LRP6: variants seen among roughly 807,000 people sequenced by gnomAD.
The protein encoded by LRP6 is LDL receptor related protein 6, also known as low-density lipoprotein receptor-related protein 6.
A neutral mutation model predicts 184.1 loss-of-function variants in LRP6; 43 were observed. The ratio of observed to expected loss-of-function variants is 0.23; its 90% CI spans 0.18 to 0.30. The LOEUF is 0.30. Among genes scored for constraint, LRP6 ranks in the 10% least tolerant of loss-of-function variants. The pLI, the probability that LRP6 is intolerant of heterozygous loss-of-function variation, is 1.00. For synonymous variants in LRP6, 719 were observed against 684.9 expected (o/e 1.05, Z -0.78); for missense variants, 1,571 against 2,005.3 (o/e 0.78, Z 4.14).
At chr12:12,165,701 T>C (rs912933525) in intron 7 of LRP6, among the ~76,000 whole-genome samples, 4 of 152,222 alleles carry the variant, frequency 2.6e-5, no homozygotes, top group African/African-American at 7.2e-5. Flanking sequence ...CTTGAGAGCT[T>C]TGCCTATGGA....
chr12:12,134,851 T>C (rs549304788), intron 17 of LRP6, among the ~76,000 whole-genome samples: 1 of 152,196 alleles, frequency 6.6e-6, no homozygotes, highest in South Asian at 2.1e-4. Flanking sequence ...AAGTAGGAAA[T>C]CCTGTCATTT....
intron 1 of LRP6, among the ~76,000 whole-genome samples, chr12:12,253,218 C>T (rs560169518): frequency 2.6e-5 from 4 of 152,264 alleles, no homozygotes; most frequent in East Asian, 3.9e-4. Flanking sequence ...GGGCCAAGAT[C>T]GCGCCACTGA....
rs34964803 is a variant in LRP6, at chr12:12,122,033, G to C, written c.4548-613C>G. On this transcript the variant is annotated intron_variant, in intron 22 of 22. Coordinates refer to ENST00000261349, the MANE Select transcript of LRP6 (RefSeq NM_002336.3). The stretch of plus-strand genomic sequence containing the variant: ...AAACGGTTTTCATTCCCTGTGTATA[G>C]GTAAGTACCTCTCATAAGAGCAGCT... 5.6e-4 allele frequency among the ~76,000 whole-genome samples: 85 copies of C among 152,262 alleles called. No individual in the cohort carries two copies. In the East Asian group the frequency reaches 0.01, roughly 18 times the overall value.
rs1015461470 is a variant in LRP6, at chr12:12,130,682, T to C, written c.4081+101A>G. On this transcript the variant is annotated intron_variant, in intron 19 of 22. Transcript: ENST00000261349. The stretch of plus-strand genomic sequence containing the variant: ...ATAATTAGCTTAATATTAATACTTA[T>C]TACTTAGAAAGGAAATCTCGATAAG... 6 of 740,298 alleles carry C rather than the reference T, an allele frequency of 8.1e-6. No individual in the cohort carries two copies. The African/African-American group carries it at 8.7e-5, about 11-fold the overall frequency. 45.9% of individuals were successfully genotyped at this position (740,298 alleles called of 1,614,324 possible).
At chr12:12,125,211 A>T in intron 21 of LRP6, 85 bp downstream of exon 21, 1 of 1,510,206 alleles carries the variant, frequency 6.6e-7, no homozygotes, top group Non-Finnish European at 9.2e-7. Context: ...CTTTTACATT[A>T]CTATCACTGA....
intron 1 of LRP6, among the ~76,000 whole-genome samples, chr12:12,261,352 G>A (rs1477063545): frequency 2.0e-5 from 3 of 149,896 alleles, no homozygotes; most frequent in Non-Finnish European, 2.9e-5. Context: ...GTAGTGAGCT[G>A]AGATCACGCC....
In LRP6 at chr12:12,238,187, G is replaced by T. The variant is rs74061144; in HGVS notation, c.449+6075C>A. Among the ~76,000 whole-genome samples the T allele has an allele frequency of 6.1e-5, 9 of 148,194 alleles. No individual in the cohort carries two copies. The East Asian group carries it at 1.6e-3, about 26-fold the overall frequency. On this transcript the variant is annotated intron_variant, in intron 2 of 22. Transcript: ENST00000261349. ...TTAAACTGCAAAGTTAGGCACAGCT[G>T]AAGAAAGAATTTTGTATCTAGATGG...
intron 7 of LRP6, among the ~76,000 whole-genome samples, chr12:12,169,483 C>T (rs563819948): frequency 3.9e-5 from 6 of 152,170 alleles, no homozygotes; most frequent in African/African-American, 1.2e-4. Flanking sequence ...GCTCTAGATA[C>T]AAGCAAGGGT....
chr12:12,135,596 T>G (rs1026030673), intron 16 of LRP6, among the ~76,000 whole-genome samples: 2 of 151,368 alleles, frequency 1.3e-5, no homozygotes, highest in Non-Finnish European at 2.9e-5. Context: ...CAGGTTCAAG[T>G]GCTTCTCCTG....
chr12:12,239,349 T>C (rs767285018), intron 2 of LRP6, among the ~76,000 whole-genome samples: 10 of 152,192 alleles, frequency 6.6e-5, no homozygotes, highest in Non-Finnish European at 1.2e-4. Context: ...TAATGCACTT[T>C]TAAACTGTTC....
At chr12:12,181,805 T>G (rs973869589) in intron 5 of LRP6, among the ~76,000 whole-genome samples, 6 of 152,210 alleles carry the variant, frequency 3.9e-5, no homozygotes, top group African/African-American at 1.4e-4. Context: ...CAAGAAGCAT[T>G]TTTTAAAAAA....
chr12:12,164,548 C>T lies in LRP6; in HGVS notation c.1777G>A (p.Ala593Thr). The change falls in exon 9 of 23, where the codon GCT becomes ACT. Residue 593 changes from alanine (A) to threonine (T), a missense_variant. Coordinates refer to ENST00000261349, the MANE Select transcript of LRP6 (RefSeq NM_002336.3). ...VHRVIGSNPC[A>T]EENGGCSHLC... ...TGGCTACATCCCCCGTTTTCCTCAG[C>T]ACAGGGGTTGGAACCTAAAAGATTA... is the stretch of plus-strand genomic sequence containing the variant. 6.2e-7 allele frequency: 1 copy of T among 1,614,084 alleles called. No individual in the cohort carries two copies. The highest frequency in any genetic ancestry group is 8.5e-7 in the Non-Finnish European group (1 of 1,180,010).
At chr12:12,224,726 G>C (rs1864573427) in intron 2 of LRP6, among the ~76,000 whole-genome samples, 1 of 152,034 alleles carries the variant, frequency 6.6e-6, no homozygotes, top group Non-Finnish European at 1.5e-5. Flanking sequence ...TCACTATAAG[G>C]ATTTTTAAAC....
intron 2 of LRP6, among the ~76,000 whole-genome samples, chr12:12,212,495 C>T (rs1271732065): frequency 6.6e-6 from 1 of 152,156 alleles, no homozygotes; most frequent in Non-Finnish European, 1.5e-5. Context: ...CTAACAAGCA[C>T]CACCCTAAAA....
chr12:12,196,483 ATTTC>A (rs1863765676), intron 3 of LRP6, among the ~76,000 whole-genome samples: 1 of 151,646 alleles, frequency 6.6e-6, no homozygotes, highest in Non-Finnish European at 1.5e-5. Flanking sequence ...TGCCTTCTTA[ATTTC>A]TTTTTCAGCT....
Position 12,117,909 on chromosome 12 carries a change from T to G in LRP6, c.*3217A>C, listed in dbSNP as rs1027204439. On this transcript the variant is annotated 3_prime_UTR_variant, in exon 23 of 23. Coordinates refer to ENST00000261349, the MANE Select transcript of LRP6 (RefSeq NM_002336.3). Reference sequence around the variant, plus strand: ...TACAACCCTCAAAATCATCTTAAAATTGTACTGCTCAAAGCCCCTTCCCCC... The same window carrying G: ...TACAACCCTCAAAATCATCTTAAAAGTGTACTGCTCAAAGCCCCTTCCCCC... 1 of 152,176 alleles carries G rather than the reference T, an allele frequency of 6.6e-6. No homozygotes were observed. Among genetic ancestry groups the G allele is most frequent in the South Asian group, 2.1e-4 (1 of 4,834 alleles). 9.4% of individuals were successfully genotyped at this position (152,176 alleles called of 1,614,324 possible). A position where few individuals can be genotyped will look rare whatever the true frequency, so the allele number is the denominator to read the frequency against.
At position 12,139,107 on chromosome 12, in the gene LRP6, C is replaced by T. The variant is rs1002630146; in HGVS notation, c.3398-573G>A. On this transcript the variant is annotated intron_variant, in intron 15 of 22. Coordinates refer to ENST00000261349, the MANE Select transcript of LRP6 (RefSeq NM_002336.3). ...CTAAAATCTGTGTTCATACCCCCCA[C>T]CCTGCTTTATTCAGTTTCTCCCTCA... 9 of 833,484 alleles carry T rather than the reference C, an allele frequency of 1.1e-5. No homozygotes were observed. In the East Asian group the frequency reaches 5.5e-4, roughly 51 times the overall value. The allele number at this position is 833,484 out of a possible 1,614,324, so 51.6% of individuals were successfully genotyped here. A position where few individuals can be genotyped will look rare whatever the true frequency, so the allele number is the denominator to read the frequency against.
chr12:12,225,000 T>G (rs1783474006), intron 2 of LRP6, among the ~76,000 whole-genome samples: 1 of 151,636 alleles, frequency 6.6e-6, no homozygotes, highest in Non-Finnish European at 1.5e-5. Context: ...AGGTCGGGAG[T>G]TCTAGACCAG....
intron 17 of LRP6, 87 bp downstream of exon 17, chr12:12,135,088 C>T (rs2136874997): frequency 1.3e-6 from 2 of 1,598,746 alleles, no homozygotes; most frequent in Non-Finnish European, 1.7e-6. Flanking sequence ...GACAGAGCAA[C>T]TTCAATGCCT....
Sources: gnomAD v4.1 joint callset for allele counts (sites outside exome capture counted in the v4.1 genomes callset) on GRCh38, gnomAD v4.1.1 for gene constraint, MANE v1.5 for transcripts, NCBI Gene and HGNC (gene_info 2026-07-23, HGNC 2026-07-21) for gene names.